Variants in TXNDC15 observed in about 807,000 individuals in gnomAD.
The protein encoded by TXNDC15 is thioredoxin domain-containing protein 15.
Under a neutral mutation model 35.0 loss-of-function variants are expected in TXNDC15, and 24 were observed. The ratio of observed to expected loss-of-function variants is 0.68; its 90% CI spans 0.50 to 0.96. The LOEUF (loss-of-function observed/expected upper bound fraction) is 0.96. Ranked by LOEUF, TXNDC15 falls within the 40% of genes least tolerant of loss-of-function variation. The pLI, the probability that TXNDC15 is intolerant of heterozygous loss-of-function variation, is 0.00. For missense variants in TXNDC15, 385 were observed against 453.3 expected (o/e 0.85, Z 1.37); for synonymous variants, 169 against 174.0 (o/e 0.97, Z 0.23).
Position 134,874,493 on chromosome 5 carries a change from G to C in TXNDC15, c.66G>C (p.Leu22Phe), listed in dbSNP as rs1384166056. 2 of 1,605,562 alleles carry C rather than the reference G, an allele frequency of 1.2e-6. No individual in the cohort carries two copies. The highest frequency in any genetic ancestry group is 2.2e-5 in the South Asian group (2 of 90,630). Residue 22 changes from leucine to phenylalanine, a missense_variant, in exon 1 of 5, where the codon TTG becomes TTC. Transcript: ENST00000358387. Reference protein sequence around the residue: ...VMRLLGWWQVLLWVLGLPVRG... With the variant: ...VMRLLGWWQVFLWVLGLPVRG... ...GGCTCCTCGGCTGGTGGCAAGTATT[G>C]CTGTGGGTGCTGGGACTTCCCGTCC...
intron 2 of TXNDC15, chr5:134,892,082 A>G (rs1350100328): frequency 6.6e-6 from 1 of 152,186 alleles, no homozygotes; most frequent in Admixed American, 6.5e-5. Context: ...AGGCTGTCTT[A>G]TCTACATGAA....
At position 134,874,402 on chromosome 5, in the gene TXNDC15, G is replaced by A. The variant is rs556474975; in HGVS notation, c.-26G>A. On this transcript the variant is annotated 5_prime_UTR_variant, in exon 1 of 5. Coordinates refer to ENST00000358387, the MANE Select transcript of TXNDC15 (RefSeq NM_024715.4). ...CTGGCAGCACGACTCGCGTAGCCGT[G>A]CGCCGATTGCCTCTCGGCCTGGGCA... The A allele has an allele frequency of 1.1e-5, 17 of 1,572,224 alleles. No individual in the cohort carries two copies. Among genetic ancestry groups the A allele is most frequent in the Non-Finnish European group, 1.4e-5 (16 of 1,164,246 alleles).
intron 2 of TXNDC15, 133 bp from the exon 3 acceptor site, chr5:134,893,359 G>A (rs141489062): frequency 7.6e-5 from 77 of 1,015,234 alleles, no homozygotes; most frequent in African/African-American, 4.5e-4. Context: ...AAAAGGTTCC[G>A]AGGGTTCCTT....
chr5:134,880,388 CTTTT>C (rs959534120), intron 1 of TXNDC15, among the ~76,000 whole-genome samples: 1 of 151,032 alleles, frequency 6.6e-6, no homozygotes. Flanking sequence ...GTAATGAATT[CTTTT>C]ATCTTTTGTA....
chr5:134,874,324 GGCGCGGGGCCGCGCCC>G, upstream of TXNDC15: 1 of 951,044 alleles, frequency 1.1e-6, no homozygotes, highest in East Asian at 3.1e-5. Flanking sequence ...TTAAGATGGC[GGCGCGGGGCCGCGCCC>G]GCGCTCCCAG....
chr5:134,878,985 C>A (rs2150183797), intron 1 of TXNDC15, among the ~76,000 whole-genome samples: 1 of 152,318 alleles, frequency 6.6e-6, no homozygotes, highest in African/African-American at 2.4e-5. Flanking sequence ...GACAACAGAG[C>A]AAGACTCTGT....
chr5:134,892,934 A>ATAGTAATTGTAACTG (rs1347467253), intron 2 of TXNDC15: 1 of 153,228 alleles, frequency 6.5e-6, no homozygotes, highest in East Asian at 1.9e-4. Flanking sequence ...AACAATTACA[A>ATAGTAATTGTAACTG]TAGTAACATC....
chr5:134,894,358 A>AT (rs1193198045), intron 3 of TXNDC15, among the ~76,000 whole-genome samples: 18 of 131,962 alleles, frequency 1.4e-4, no homozygotes, highest in South Asian at 7.2e-4. Flanking sequence ...CAGGCTGGTC[A>AT]TTTTTTTTTT....
chr5:134,893,387 C>A, intron 2 of TXNDC15, 105 bp from the exon 3 acceptor site: 1 of 1,387,186 alleles, frequency 7.2e-7, no homozygotes, highest in Non-Finnish European at 1.0e-6. Context: ...TGCTCCTACC[C>A]ACCCGTTCCT....
At chr5:134,883,886 C>T (rs1273951552) in intron 1 of TXNDC15, among the ~76,000 whole-genome samples, 3 of 134,256 alleles carry the variant, frequency 2.2e-5, no homozygotes. Context: ...CTGCACTCAG[C>T]CTGGGCAATA....
At chr5:134,897,068 A>G (rs1750504112) in intron 4 of TXNDC15, among the ~76,000 whole-genome samples, 1 of 151,754 alleles carries the variant, frequency 6.6e-6, no homozygotes, top group Non-Finnish European at 1.5e-5. Flanking sequence ...CAGCCTCCAG[A>G]GTAGTTGGGA....
intron 1 of TXNDC15, 114 bp downstream of exon 1, chr5:134,874,644 T>C: frequency 3.6e-6 from 3 of 834,886 alleles, no homozygotes; most frequent in Non-Finnish European, 5.3e-6. Context: ...CTTCTTGGCG[T>C]CTCCCCGGGC....
chr5:134,895,514 A>T (rs1295407607), intron 3 of TXNDC15, among the ~76,000 whole-genome samples: 2 of 152,182 alleles, frequency 1.3e-5, no homozygotes, highest in Non-Finnish European at 2.9e-5. Context: ...TATCTTAATT[A>T]TGGAGACTAA....
At chr5:134,889,536 TC>T (rs1344591712) in intron 2 of TXNDC15, among the ~76,000 whole-genome samples, 2 of 152,236 alleles carry the variant, frequency 1.3e-5, no homozygotes, top group African/African-American at 2.4e-5. Flanking sequence ...GACAGTGTAC[TC>T]TTGAATTGAT....
At chr5:134,875,072 C>T (rs1750004707) in intron 1 of TXNDC15, 1 of 451,210 alleles carries the variant, frequency 2.2e-6, no homozygotes, top group African/African-American at 2.0e-5. Flanking sequence ...GACGCCAAAG[C>T]CCAGTCTGGA....
intron 1 of TXNDC15, chr5:134,875,460 G>C (rs777697761): frequency 1.1e-5 from 5 of 447,262 alleles, no homozygotes; most frequent in Non-Finnish European, 1.8e-5. Flanking sequence ...GCTGTGCTCA[G>C]TGCTTTACGA....
intron 4 of TXNDC15, 121 bp from the exon 5 acceptor site, chr5:134,899,368 T>C: frequency 1.3e-6 from 1 of 758,900 alleles, no homozygotes; most frequent in East Asian, 2.7e-5. Context: ...TTTATATATA[T>C]ACTAGTGGCA....
chr5:134,889,910 TA>T (rs1446980999), intron 2 of TXNDC15, among the ~76,000 whole-genome samples: 1 of 152,240 alleles, frequency 6.6e-6, no homozygotes, highest in African/African-American at 2.4e-5. Context: ...ACTTTATTGC[TA>T]AAAAATGCTA....
intron 1 of TXNDC15, among the ~76,000 whole-genome samples, chr5:134,886,185 T>A (rs1018392616): frequency 2.6e-5 from 4 of 152,268 alleles, no homozygotes; most frequent in Non-Finnish European, 5.9e-5. Flanking sequence ...ACATCTGTTA[T>A]GCATCAGCAA....
Sources: allele counts gnomAD v4.1 joint callset (sites outside exome capture counted in the v4.1 genomes callset), GRCh38; gene constraint gnomAD v4.1.1; transcripts MANE v1.5; gene names NCBI Gene and HGNC (gene_info 2026-07-23, HGNC 2026-07-21).